The following GREB1 variants were observed in gnomAD, a reference collection of about 807,000 sequenced individuals.
GREB1 encodes the protein growth regulating estrogen receptor binding 1, also known as protein GREB1.
GREB1 carries 106 observed loss-of-function variants against 200.7 expected under a neutral mutation model. The ratio of observed to expected loss-of-function variants is 0.53; its 90% confidence interval spans 0.45 to 0.62. The LOEUF is 0.62. Among genes scored for constraint, GREB1 ranks in the 20% least tolerant of loss-of-function variants. The pLI, the probability that GREB1 is intolerant of heterozygous loss-of-function variation, is 0.00. For synonymous variants in GREB1, 1,132 were observed against 1,092.4 expected (o/e 1.04, Z -0.72); for missense variants, 2,243 against 2,556.8 (o/e 0.88, Z 2.65).
chr2:11,611,129 A>T, intron 18 of GREB1, 102 bp downstream of exon 18: 6 of 1,032,752 alleles, frequency 5.8e-6, no homozygotes, highest in Non-Finnish European at 8.4e-6. Flanking sequence ...CAGCGTGGCC[A>T]ACGTGGCTTC....
intron 1 of GREB1, among the ~76,000 whole-genome samples, chr2:11,538,063 C>T (rs866432019): frequency 3.0e-4 from 45 of 152,318 alleles, no homozygotes; most frequent in African/African-American, 8.2e-4. Flanking sequence ...GGGCACTCCA[C>T]GTACAGACCG....
At chr2:11,604,827 TG>T (rs1418206573) in intron 17 of GREB1, among the ~76,000 whole-genome samples, 4 of 152,148 alleles carry the variant, frequency 2.6e-5, no homozygotes, top group African/African-American at 9.7e-5. Context: ...GGTTAGAACA[TG>T]GGGTTACTGC....
intron 1 of GREB1, among the ~76,000 whole-genome samples, chr2:11,554,176 G>T (rs953327810): frequency 2.0e-5 from 3 of 152,152 alleles, no homozygotes; most frequent in Non-Finnish European, 4.4e-5. Context: ...TCCGGCTGCT[G>T]ACCTCTCTCT....
Position 11,587,581 on chromosome 2 carries a change from G to A in GREB1, c.1160-1165G>A, listed in dbSNP as rs1680249655. The A allele has an allele frequency of 2.0e-6, 3 of 1,494,532 alleles. No individual in the cohort carries two copies. In the Admixed American group the frequency reaches 6.3e-5, roughly 32 times the overall value. The allele number at this position is 1,494,532 out of a possible 1,614,324, so 92.6% of individuals were successfully genotyped here. The stretch of plus-strand genomic sequence containing the variant: ...CAGTGTCTTTGAGAACGTGACCTGT[G>A]CCCCAGGCACCAGCTTTACTCCCCG... On this transcript the variant is annotated intron_variant, in intron 9 of 32. Transcript: ENST00000381486.
chr2:11,606,009 C>T (rs1431411180), intron 17 of GREB1, among the ~76,000 whole-genome samples: 3 of 152,102 alleles, frequency 2.0e-5, no homozygotes, highest in Admixed American at 2.0e-4. Flanking sequence ...GTATGTTTAA[C>T]TTTTTCACAA....
At chr2:11,544,922 C>G (rs1294790548) in intron 1 of GREB1, among the ~76,000 whole-genome samples, 1 of 152,170 alleles carries the variant, frequency 6.6e-6, no homozygotes, top group Non-Finnish European at 1.5e-5. Flanking sequence ...TCAAACGATT[C>G]TTGTGCCTCA....
intron 1 of GREB1, among the ~76,000 whole-genome samples, chr2:11,506,389 C>T (rs926096338): frequency 2.6e-5 from 4 of 152,086 alleles, no homozygotes; most frequent in African/African-American, 9.7e-5. Context: ...TTCAGGGAGG[C>T]CAATGGTAAG....
intron 4 of GREB1, 55 bp from the exon 5 acceptor site, chr2:11,576,298 A>G: frequency 1.4e-6 from 2 of 1,390,960 alleles, no homozygotes; most frequent in Non-Finnish European, 2.0e-6. Flanking sequence ...CAAGAACGAG[A>G]CTTCATCTCA....
intron 1 of GREB1, among the ~76,000 whole-genome samples, chr2:11,555,748 A>G (rs1185596848): frequency 1.3e-5 from 2 of 152,208 alleles, no homozygotes; most frequent in African/African-American, 4.8e-5. Flanking sequence ...TTGCAGAGTG[A>G]TAGGTCTGGG....
intron 4 of GREB1, among the ~76,000 whole-genome samples, chr2:11,575,261 C>A (rs962277011): frequency 6.6e-6 from 1 of 152,198 alleles, no homozygotes; most frequent in Non-Finnish European, 1.5e-5. Context: ...CCCAAAGAAA[C>A]CAGACATACC....
Position 11,556,547 on chromosome 2 carries a change from G to A in GREB1, c.-68G>A, listed in dbSNP as rs1676450507. The A allele has an allele frequency of 7.6e-7, 1 of 1,320,706 alleles. No individual in the cohort carries two copies. Among genetic ancestry groups the A allele is most frequent in the African/African-American group, 1.5e-5 (1 of 68,652 alleles). The allele number at this position is 1,320,706 out of a possible 1,614,324, so 81.8% of individuals were successfully genotyped here. ...TTGCAGCTGTTTCACCTTCTACCTT[G>A]CGTGGAGCCAGGCTTTTGCACCGAA... is the stretch of plus-strand genomic sequence containing the variant. On this transcript the variant is annotated 5_prime_UTR_variant, in exon 2 of 33. Transcript: ENST00000381486.
At chr2:11,522,076 CA>C (rs1673723416) in intron 1 of GREB1, among the ~76,000 whole-genome samples, 1 of 152,186 alleles carries the variant, frequency 6.6e-6, no homozygotes, top group African/African-American at 2.4e-5. Context: ...GATCATCCCC[CA>C]GGGGCATCTG....
chr2:11,491,209 G>T, intron 1 of GREB1, among the ~76,000 whole-genome samples: 1 of 152,186 alleles, frequency 6.6e-6, no homozygotes, highest in East Asian at 1.9e-4. Flanking sequence ...CCAATAAATG[G>T]ATCAGTACAG....
intron 1 of GREB1, among the ~76,000 whole-genome samples, chr2:11,545,349 C>G (rs888157609): frequency 7.2e-5 from 11 of 152,130 alleles, no homozygotes; most frequent in African/African-American, 2.7e-4. Flanking sequence ...CCAGGCTGGT[C>G]TCGAATCTCC....
chr2:11,514,340 C>CT (rs397755194), intron 1 of GREB1, among the ~76,000 whole-genome samples: 2 of 151,720 alleles, frequency 1.3e-5, no homozygotes, highest in East Asian at 3.9e-4. Flanking sequence ...AGTTATGTTC[C>CT]AAGTTTGCTA....
At chr2:11,616,373 C>G (rs1377236665) in intron 20 of GREB1, among the ~76,000 whole-genome samples, 1 of 152,254 alleles carries the variant, frequency 6.6e-6, no homozygotes, top group East Asian at 1.9e-4. Flanking sequence ...TCTCTCTTTG[C>G]ATCTCCTCCA....
chr2:11,550,969 A>G (rs564132062), intron 1 of GREB1, among the ~76,000 whole-genome samples: 17 of 152,244 alleles, frequency 1.1e-4, no homozygotes, highest in African/African-American at 4.1e-4. Context: ...ATTCTAGTTG[A>G]ACTTCAACTC....
At position 11,618,921 on chromosome 2, in the gene GREB1, T is replaced by C. The variant is rs1282826690; in HGVS notation, c.4044+2T>C. The C allele has an allele frequency of 6.7e-7, 1 of 1,502,184 alleles. No homozygotes were observed. The highest frequency in any genetic ancestry group is 8.9e-7 in the Non-Finnish European group (1 of 1,128,866). 93.1% of individuals were successfully genotyped at this position (1,502,184 alleles called of 1,614,324 possible). A position where few individuals can be genotyped will look rare whatever the true frequency, so the allele number is the denominator to read the frequency against. ...CTGCTGCTCAGCGGCCCCCCTCAGGTGAGTGTTGCTCGCTGCCCCAGCACA... is the reference window on the plus strand; with the variant it reads ...CTGCTGCTCAGCGGCCCCCCTCAGGCGAGTGTTGCTCGCTGCCCCAGCACA... On this transcript the variant is annotated splice_donor_variant, in intron 22 of 32. Transcript: ENST00000381486. LOFTEE classifies it high-confidence loss of function.
chr2:11,567,446 C>T (rs2147964758), intron 4 of GREB1, among the ~76,000 whole-genome samples: 1 of 152,262 alleles, frequency 6.6e-6, no homozygotes, highest in African/African-American at 2.4e-5. Flanking sequence ...TTTATTACCC[C>T]AGTTTTATAG....
Sources: allele counts gnomAD v4.1 joint callset (sites outside exome capture counted in the v4.1 genomes callset), GRCh38; gene constraint gnomAD v4.1.1; transcripts MANE v1.5; gene names NCBI Gene and HGNC (gene_info 2026-07-23, HGNC 2026-07-21).